The following PCDHA7 variants were observed in gnomAD, a reference collection of about 807,000 sequenced individuals.
PCDHA7 encodes protocadherin alpha 7.
Under a neutral mutation model 57.2 loss-of-function variants are expected in PCDHA7, and 37 were observed. The ratio of observed to expected loss-of-function variants is 0.65; its 90% CI spans 0.50 to 0.85. The LOEUF is 0.85. Among genes scored for constraint, PCDHA7 ranks in the 40% least tolerant of loss-of-function variants. The pLI, the probability that PCDHA7 is intolerant of heterozygous loss-of-function variation, is 0.00. For synonymous variants in PCDHA7, 553 were observed against 558.8 expected (o/e 0.99, Z 0.15); for missense variants, 1,188 against 1,241.8 (o/e 0.96, Z 0.65).
intron 1 of PCDHA7, chr5:140,869,076 C>T (rs367613564): frequency 1.9e-6 from 3 of 1,577,816 alleles, no homozygotes; most frequent in African/African-American, 2.7e-5. Context: ...TGTAAAGAAG[C>T]TTATTTTGGA....
chr5:140,989,350 T>G (rs188962457), intron 3 of PCDHA7, among the ~76,000 whole-genome samples: 17 of 152,274 alleles, frequency 1.1e-4, no homozygotes, highest in African/African-American at 3.9e-4. Context: ...TCAAAGGTGA[T>G]AGGTCACCTG....
At chr5:140,910,482 C>T (rs1439012617) in intron 1 of PCDHA7, among the ~76,000 whole-genome samples, 3 of 152,178 alleles carry the variant, frequency 2.0e-5, no homozygotes, top group African/African-American at 7.2e-5. Flanking sequence ...ATCTGGCATA[C>T]AGAGAAGAGC....
intron 1 of PCDHA7, chr5:140,876,687 C>T: frequency 6.2e-7 from 1 of 1,614,212 alleles, no homozygotes; most frequent in Non-Finnish European, 8.5e-7. Flanking sequence ...AGAATTACTA[C>T]TCGTTGGTGC....
rs2150361317 is a variant in PCDHA7, at chr5:140,843,502, C to A, written c.2355+6764C>A. The A allele has an allele frequency of 3.1e-6, 5 of 1,595,926 alleles. 1 individual carries two copies. The highest frequency in any genetic ancestry group is 4.3e-6 in the Non-Finnish European group (5 of 1,165,570). On this transcript the variant is annotated intron_variant, in intron 1 of 3. Transcript: ENST00000525929. ...CTGCGCTGCGGTGCTCAGCACTGCC[C>A]ACTGAGGGCGGGTGCCGGGCGGGCA...
chr5:140,952,903 C>T (rs896493880), intron 1 of PCDHA7, among the ~76,000 whole-genome samples: 4 of 152,092 alleles, frequency 2.6e-5, no homozygotes, highest in African/African-American at 7.2e-5. Flanking sequence ...GGGAATCAAG[C>T]TCATCTTACA....
chr5:140,989,805 A>G (rs3776110), intron 3 of PCDHA7, among the ~76,000 whole-genome samples: 8,341 of 152,306 alleles, frequency 0.055, 292 homozygotes, highest in East Asian at 0.12. Context: ...GGAAAGGGCC[A>G]TAAGATTGGT....
intron 1 of PCDHA7, chr5:140,870,562 G>A: frequency 6.2e-7 from 1 of 1,613,996 alleles, no homozygotes; most frequent in Non-Finnish European, 8.5e-7. Context: ...GCAGGAGAAC[G>A]CGCTGGTGTC....
At chr5:140,848,358 G>T in intron 1 of PCDHA7, 1 of 1,051,266 alleles carries the variant, frequency 9.5e-7, no homozygotes, top group Non-Finnish European at 1.4e-6. Context: ...CTTTTCCCAT[G>T]GGAAAGAGGC....
intron 1 of PCDHA7, chr5:140,930,486 G>T (rs1211564539): frequency 6.6e-6 from 1 of 152,320 alleles, no homozygotes; most frequent in Non-Finnish European, 1.5e-5. Flanking sequence ...GCCTCCCAAA[G>T]TGCTGGGATT....
At chr5:140,900,920 T>C (rs539511607) in intron 1 of PCDHA7, among the ~76,000 whole-genome samples, 1 of 152,322 alleles carries the variant, frequency 6.6e-6, no homozygotes, top group South Asian at 2.1e-4. Context: ...TAAGATGATA[T>C]CTCATTGTAG....
At chr5:140,865,116 G>T (rs2048743320) in intron 1 of PCDHA7, 1 of 152,144 alleles carries the variant, frequency 6.6e-6, no homozygotes, top group Non-Finnish European at 1.5e-5. Flanking sequence ...GACAATTGTG[G>T]TGTTAATTAT....
chr5:140,942,618 GT>G (rs1372135994), intron 1 of PCDHA7, among the ~76,000 whole-genome samples: 1 of 97,742 alleles, frequency 1.0e-5, no homozygotes, highest in African/African-American at 5.0e-5. Context: ...TTTGCCAATT[GT>G]AAAAAAAAAA....
rs186341301 is a variant in PCDHA7 at position 140,890,770 on chromosome 5, A to G, written c.2355+54032A>G. Among the ~76,000 whole-genome samples the G allele has an allele frequency of 8.0e-3, 1,216 of 152,240 alleles. 6 individuals are homozygous for G. Among genetic ancestry groups the G allele is most frequent in the African/African-American group, 0.019 (786 of 41,520 alleles). On this transcript the variant is annotated intron_variant, in intron 1 of 3. Transcript: ENST00000525929. Reference sequence around the variant, plus strand: ...CTGTCATGCTTTAAAAATATTTTAAAACCCCATAAGATATTAGTATTATTT... The same window carrying G: ...CTGTCATGCTTTAAAAATATTTTAAGACCCCATAAGATATTAGTATTATTT...
rs2150361348 is a variant in PCDHA7, at chr5:140,843,506, G to T, written c.2355+6768G>T. 1.9e-6 allele frequency: 3 copies of T among 1,596,028 alleles called. No homozygotes were observed. The East Asian group carries it at 6.7e-5, about 36-fold the overall frequency. On this transcript the variant is annotated intron_variant, in intron 1 of 3. Coordinates refer to ENST00000525929, the MANE Select transcript of PCDHA7 (RefSeq NM_018910.3). ...GCTGCGGTGCTCAGCACTGCCCACT[G>T]AGGGCGGGTGCCGGGCGGGCAAGCC...
intron 1 of PCDHA7, among the ~76,000 whole-genome samples, chr5:140,915,256 T>C (rs782716023): frequency 1.3e-5 from 2 of 152,162 alleles, no homozygotes; most frequent in Non-Finnish European, 2.9e-5. Flanking sequence ...CAGGTTGTTA[T>C]TATTTTTGAC....
At chr5:140,888,956 G>A (rs1043287613) in intron 1 of PCDHA7, among the ~76,000 whole-genome samples, 1 of 151,722 alleles carries the variant, frequency 6.6e-6, no homozygotes, top group Non-Finnish European at 1.5e-5. Context: ...TTTTTCTTTG[G>A]CAATGTTAAT....
chr5:140,971,091 T>G (rs1355075556), intron 1 of PCDHA7, among the ~76,000 whole-genome samples: 1 of 152,180 alleles, frequency 6.6e-6, no homozygotes, highest in Non-Finnish European at 1.5e-5. Flanking sequence ...AACAAATTCT[T>G]GTGAAGCCCT....
At chr5:140,970,006 A>G (rs2096376265) in intron 1 of PCDHA7, among the ~76,000 whole-genome samples, 1 of 152,158 alleles carries the variant, frequency 6.6e-6, no homozygotes, top group Non-Finnish European at 1.5e-5. Context: ...GAGGGAGTGG[A>G]TGATGGTGAG....
intron 1 of PCDHA7, chr5:140,861,372 A>G (rs2046882996): frequency 8.6e-5 from 35 of 407,054 alleles, no homozygotes; most frequent in South Asian, 7.5e-4. Context: ...CGCGGTCCCT[A>G]TTGCGCAGGA....
Sources: gnomAD v4.1 joint callset for allele counts (sites outside exome capture counted in the v4.1 genomes callset) on GRCh38, gnomAD v4.1.1 for gene constraint, MANE v1.5 for transcripts, NCBI Gene and HGNC (gene_info 2026-07-23, HGNC 2026-07-21) for gene names.